The following RNLS variants were observed in gnomAD, a reference collection of about 807,000 sequenced individuals.
RNLS encodes renalase, FAD dependent amine oxidase, also known as renalase.
RNLS carries 39 observed loss-of-function variants against 39.8 expected under a neutral mutation model. The ratio of observed to expected loss-of-function variants is 0.98; its 90% CI spans 0.76 to 1.28. RNLS has a LOEUF of 1.28. Ranked by LOEUF, RNLS falls within the 50% of genes most tolerant of loss-of-function variation. The pLI is 0.00. For missense variants in RNLS, 410 were observed against 413.3 expected (o/e 0.99, Z 0.07); for synonymous variants, 147 against 150.7 (o/e 0.98, Z 0.18).
the RNLS span, among the ~76,000 whole-genome samples, chr10:88,189,806 A>C: frequency 6.6e-6 from 1 of 152,262 alleles, no homozygotes; most frequent in Admixed American, 6.5e-5. Context: ...GCAGCGAAGC[A>C]CTGGGGGATG....
At chr10:88,463,631 A>G (rs923370261) in intron 4 of RNLS, among the ~76,000 whole-genome samples, 1 of 152,048 alleles carries the variant, frequency 6.6e-6, no homozygotes, top group African/African-American at 2.4e-5. Context: ...TCACTGAGAA[A>G]AATAATACCT....
intron 4 of RNLS, among the ~76,000 whole-genome samples, chr10:88,429,270 C>T (rs992258110): frequency 1.3e-5 from 2 of 151,886 alleles, no homozygotes; most frequent in African/African-American, 4.8e-5. Context: ...TAACAACATC[C>T]TCTTTACAAA....
chr10:88,568,348 C>G (rs1475465599), intron 4 of RNLS, among the ~76,000 whole-genome samples: 2 of 151,846 alleles, frequency 1.3e-5, no homozygotes, highest in African/African-American at 4.8e-5. Context: ...CTAAAGGGGA[C>G]AGAATTTCTT....
chr10:88,290,735 A>C (rs564134946), intron 6 of RNLS, among the ~76,000 whole-genome samples: 34 of 152,320 alleles, frequency 2.2e-4, no homozygotes, highest in Admixed American at 2.1e-3. Context: ...TAACTCAGAC[A>C]TGCTGATGTC....
At chr10:88,430,392 G>C (rs1317158837) in intron 4 of RNLS, among the ~76,000 whole-genome samples, 1 of 151,686 alleles carries the variant, frequency 6.6e-6, no homozygotes, top group Non-Finnish European at 1.5e-5. Flanking sequence ...CTGCTTTTGT[G>C]GATTTCACTG....
chr10:88,460,890 A>C (rs1477294972), intron 4 of RNLS, among the ~76,000 whole-genome samples: 1 of 152,106 alleles, frequency 6.6e-6, no homozygotes, highest in East Asian at 1.9e-4. Flanking sequence ...GCTCTGTAGC[A>C]AAAGGACTTG....
the RNLS span, among the ~76,000 whole-genome samples, chr10:88,220,435 T>C: frequency 6.1e-3 from 925 of 152,300 alleles, 10 homozygotes; most frequent in African/African-American, 0.021. Context: ...GCTCAAATTA[T>C]AGTGGATGCT....
intron 4 of RNLS, among the ~76,000 whole-genome samples, chr10:88,528,696 T>A (rs1470153299): frequency 6.6e-6 from 1 of 151,056 alleles, no homozygotes; most frequent in Non-Finnish European, 1.5e-5. Flanking sequence ...AAATACAAAT[T>A]ACAAAAATTA....
At chr10:88,473,594 A>G (rs1843660534) in intron 4 of RNLS, among the ~76,000 whole-genome samples, 1 of 152,230 alleles carries the variant, frequency 6.6e-6, no homozygotes, top group Non-Finnish European at 1.5e-5. Flanking sequence ...TTTGCCTAGT[A>G]CAACCCATGA....
chr10:88,483,987 T>C (rs1210238443), intron 4 of RNLS, among the ~76,000 whole-genome samples: 3 of 152,132 alleles, frequency 2.0e-5, no homozygotes, highest in Admixed American at 6.6e-5. Flanking sequence ...GTGTTAGTTA[T>C]GTCTTACTGA....
At chr10:88,572,653 A>G (rs913692910) in intron 4 of RNLS, among the ~76,000 whole-genome samples, 6 of 152,228 alleles carry the variant, frequency 3.9e-5, no homozygotes, top group African/African-American at 1.4e-4. Flanking sequence ...ATATCCATCA[A>G]AAATACTGAC....
intron 4 of RNLS, among the ~76,000 whole-genome samples, chr10:88,537,810 T>C (rs941508736): frequency 3.9e-5 from 6 of 152,168 alleles, no homozygotes; most frequent in African/African-American, 1.4e-4. Flanking sequence ...TTTGTTCAAT[T>C]TGTAAAAATT....
chr10:88,184,420 G>T, the RNLS span, among the ~76,000 whole-genome samples: 1 of 152,040 alleles, frequency 6.6e-6, no homozygotes, highest in Non-Finnish European at 1.5e-5. Flanking sequence ...GTTTATTTGG[G>T]GGAGACATTG....
intron 4 of RNLS, among the ~76,000 whole-genome samples, chr10:88,561,992 T>C (rs1849218636): frequency 1.3e-5 from 2 of 152,186 alleles, no homozygotes; most frequent in African/African-American, 4.8e-5. Context: ...CAACCTGTTT[T>C]TACTTATCAC....
intron 4 of RNLS, among the ~76,000 whole-genome samples, chr10:88,449,298 C>A (rs1004006590): frequency 1.3e-5 from 2 of 152,214 alleles, no homozygotes; most frequent in Non-Finnish European, 2.9e-5. Flanking sequence ...TTCTTCTAGG[C>A]ACAATTAAAT....
chr10:88,302,154 C>T (rs1844579179), intron 6 of RNLS, among the ~76,000 whole-genome samples: 1 of 152,116 alleles, frequency 6.6e-6, no homozygotes, highest in South Asian at 2.1e-4. Context: ...AGTTATGGTC[C>T]AGCCTGCCCA....
chr10:88,183,414 A>C, the RNLS span, among the ~76,000 whole-genome samples: 8 of 152,150 alleles, frequency 5.3e-5, no homozygotes, highest in Admixed American at 1.3e-4. Flanking sequence ...AGTTTCCATT[A>C]AATATATAAC....
the RNLS span, among the ~76,000 whole-genome samples, chr10:88,262,478 G>A: frequency 1.3e-5 from 2 of 152,202 alleles, 1 homozygote; most frequent in East Asian, 3.8e-4. Context: ...GCCCCAGGAA[G>A]ATGGCCATGC....
At chr10:88,185,279 AT>A in the RNLS span, among the ~76,000 whole-genome samples, 1 of 152,102 alleles carries the variant, frequency 6.6e-6, no homozygotes, top group Non-Finnish European at 1.5e-5. Flanking sequence ...CCTCTACCTC[AT>A]TGGCCATTAA....
Sources: allele counts gnomAD v4.1 joint callset (sites outside exome capture counted in the v4.1 genomes callset), GRCh38; gene constraint gnomAD v4.1.1; transcripts MANE v1.5; gene names NCBI Gene and HGNC (gene_info 2026-07-23, HGNC 2026-07-21).